Variants in DLG2 observed in about 807,000 individuals in gnomAD.
DLG2 encodes the protein discs large MAGUK scaffold protein 2, also known as disks large homolog 2.
Under a neutral mutation model 132.5 loss-of-function variants are expected in DLG2, and 45 were observed. The observed-to-expected ratio is 0.34, with a 90% CI of 0.27 to 0.44. The LOEUF is 0.44. Ranked by LOEUF, DLG2 falls within the 20% of genes least tolerant of loss-of-function variation. The pLI, the probability that DLG2 is intolerant of heterozygous loss-of-function variation, is 1.00. For synonymous variants in DLG2, 424 were observed against 419.6 expected (o/e 1.01, Z -0.13); for missense variants, 1,045 against 1,196.9 (o/e 0.87, Z 1.87).
chr11:83,741,720 C>A (rs2092527804), intron 18 of DLG2, among the ~76,000 whole-genome samples: 1 of 151,874 alleles, frequency 6.6e-6, no homozygotes, highest in South Asian at 2.1e-4. Context: ...ATAAAAATGG[C>A]CATACTGGCT....
intron 2 of DLG2, among the ~76,000 whole-genome samples, chr11:85,603,333 C>T (rs2080294859): frequency 6.6e-6 from 1 of 152,128 alleles, no homozygotes; most frequent in Non-Finnish European, 1.5e-5. Flanking sequence ...TAAATAGTTA[C>T]TTTACTTACC....
rs533721109 is a variant in DLG2 at position 85,345,579 on chromosome 11, T to C, written c.41-60214A>G. ...GGAACCAGGATTCAAATTAGGTCTG[T>C]CTGGAAAGTCCATTATCCTTTCACT... On this transcript the variant is annotated intron_variant, in intron 3 of 27. Transcript: ENST00000376104. 5.9e-5 allele frequency among the ~76,000 whole-genome samples: 9 copies of C among 152,236 alleles called. No homozygotes were observed. The East Asian group carries it at 1.7e-3, about 29-fold the overall frequency.
chr11:85,072,261 G>A (rs568605969), intron 6 of DLG2, among the ~76,000 whole-genome samples: 13 of 151,798 alleles, frequency 8.6e-5, no homozygotes, highest in African/African-American at 2.2e-4. Flanking sequence ...GCTGAACCAG[G>A]GTATACAGCA....
rs1555110325 is a variant in DLG2, at chr11:84,626,881, T to TTTATTTTATTTTATTTTATTTTA, written c.358-92151_358-92150insTAAAATAAAATAAAATAAAATAA. 1.6e-3 allele frequency among the ~76,000 whole-genome samples: 239 copies of TTTATTTTATTTTATTTTATTTTA among 147,672 alleles called. 8 individuals are homozygous for TTTATTTTATTTTATTTTATTTTA. Among genetic ancestry groups the TTTATTTTATTTTATTTTATTTTA allele is most frequent in the African/African-American group, 5.1e-3 (203 of 39,628 alleles). ...TTTATTTTATTTTATTTTATTTTAT[T>TTTATTTTATTTTATTTTATTTTA]TTATTTTTGAGATGGAGTCTCACTC... is the stretch of plus-strand genomic sequence containing the variant. On this transcript the variant is annotated intron_variant, in intron 6 of 27. Transcript: ENST00000376104.
At chr11:83,923,188 A>G (rs1384861497) in intron 15 of DLG2, among the ~76,000 whole-genome samples, 1 of 152,176 alleles carries the variant, frequency 6.6e-6, no homozygotes, top group African/African-American at 2.4e-5. Flanking sequence ...AGCAACAAAA[A>G]TCAATATACA....
At chr11:83,524,207 T>C (rs1295269081) in intron 21 of DLG2, among the ~76,000 whole-genome samples, 1 of 152,324 alleles carries the variant, frequency 6.6e-6, no homozygotes, top group African/African-American at 2.4e-5. Context: ...TGATAATTGA[T>C]AGGAGTTGGT....
intron 15 of DLG2, among the ~76,000 whole-genome samples, chr11:83,916,254 G>A (rs1440284816): frequency 2.0e-5 from 3 of 151,760 alleles, no homozygotes; most frequent in African/African-American, 7.3e-5. Flanking sequence ...ATTTCTCTTG[G>A]GTGCATACTT....
chr11:84,044,353 A>C (rs892249622), intron 11 of DLG2, among the ~76,000 whole-genome samples: 3 of 151,768 alleles, frequency 2.0e-5, no homozygotes, highest in African/African-American at 7.3e-5. Flanking sequence ...CATCCTGCTC[A>C]TGATTGGGCA....
chr11:85,298,604 G>A (rs544817319), intron 3 of DLG2, among the ~76,000 whole-genome samples: 12 of 152,224 alleles, frequency 7.9e-5, no homozygotes, highest in African/African-American at 2.9e-4. Context: ...ATGTGATTCT[G>A]AACTAAATTC....
At chr11:85,201,010 A>G (rs1190962564) in intron 4 of DLG2, among the ~76,000 whole-genome samples, 1 of 150,956 alleles carries the variant, frequency 6.6e-6, no homozygotes, top group Non-Finnish European at 1.5e-5. Flanking sequence ...AATGAGAATA[A>G]GCTCTCCAGC....
chr11:84,541,818 A>G (rs1329077448), intron 6 of DLG2, among the ~76,000 whole-genome samples: 1 of 152,110 alleles, frequency 6.6e-6, no homozygotes, highest in Non-Finnish European at 1.5e-5. Context: ...TCCCCCCTAC[A>G]CAGACAGAAA....
intron 6 of DLG2, among the ~76,000 whole-genome samples, chr11:84,671,349 C>G (rs372189911): frequency 6.6e-6 from 1 of 152,040 alleles, no homozygotes; most frequent in Non-Finnish European, 1.5e-5. Context: ...GCAGTCATCT[C>G]ATCTAGGCCT....
chr11:83,718,653 G>A (rs1335984780), intron 18 of DLG2, among the ~76,000 whole-genome samples: 2 of 151,956 alleles, frequency 1.3e-5, no homozygotes, highest in Non-Finnish European at 2.9e-5. Flanking sequence ...TTTTAGCGAG[G>A]TAAGTATATT....
At chr11:84,414,522 G>A (rs1309950687) in intron 7 of DLG2, among the ~76,000 whole-genome samples, 1 of 152,126 alleles carries the variant, frequency 6.6e-6, no homozygotes, top group Non-Finnish European at 1.5e-5. Flanking sequence ...ATTCCGGTTT[G>A]TTTTGAAATG....
intron 7 of DLG2, among the ~76,000 whole-genome samples, chr11:84,413,964 C>T (rs1394792359): frequency 6.6e-6 from 1 of 152,122 alleles, no homozygotes; most frequent in Non-Finnish European, 1.5e-5. Flanking sequence ...TTCTTTTTAT[C>T]ATAATAGCAA....
At chr11:84,283,469 T>C (rs2097874762) in intron 7 of DLG2, among the ~76,000 whole-genome samples, 1 of 152,238 alleles carries the variant, frequency 6.6e-6, no homozygotes, top group Non-Finnish European at 1.5e-5. Context: ...ATGAAATTAA[T>C]TTAACTTTAC....
At chr11:85,143,320 A>G (rs2076619536) in intron 5 of DLG2, among the ~76,000 whole-genome samples, 1 of 151,516 alleles carries the variant, frequency 6.6e-6, no homozygotes, top group Non-Finnish European at 1.5e-5. Context: ...AGATTTTCCA[A>G]TTCTTTGGCA....
intron 6 of DLG2, among the ~76,000 whole-genome samples, chr11:84,749,954 G>A (rs574472217): frequency 1.1e-4 from 17 of 152,252 alleles, no homozygotes; most frequent in African/African-American, 4.1e-4. Context: ...ATACCTAGAA[G>A]AGTGCCTAGC....
chr11:84,214,390 A>G (rs2096807026), intron 8 of DLG2, among the ~76,000 whole-genome samples: 1 of 150,716 alleles, frequency 6.6e-6, no homozygotes, highest in Admixed American at 6.6e-5. Flanking sequence ...TATGTTTTAT[A>G]TATGTGTAAA....
Sources: gnomAD v4.1 joint callset for allele counts (sites outside exome capture counted in the v4.1 genomes callset) on GRCh38, gnomAD v4.1.1 for gene constraint, MANE v1.5 for transcripts, NCBI Gene and HGNC (gene_info 2026-07-23, HGNC 2026-07-21) for gene names.